The following NRXN3 variants were observed in gnomAD, a reference collection of about 807,000 sequenced individuals.
NRXN3 encodes neurexin III.
A neutral mutation model predicts 137.6 loss-of-function variants in NRXN3; 32 were observed. The ratio of observed to expected loss-of-function variants is 0.23; its 90% CI spans 0.18 to 0.31. The LOEUF is 0.31. Ranked by LOEUF, NRXN3 falls within the 10% of genes least tolerant of loss-of-function variation. NRXN3 has a pLI of 1.00. For synonymous variants in NRXN3, 798 were observed against 784.5 expected (o/e 1.02, Z -0.29); for missense variants, 1,574 against 2,062.5 (o/e 0.76, Z 4.59).
intron 4 of NRXN3, among the ~76,000 whole-genome samples, chr14:78,433,875 G>A (rs1352420095): frequency 6.6e-6 from 1 of 152,114 alleles, no homozygotes; most frequent in Admixed American, 6.6e-5. Context: ...CAGTTCTGAA[G>A]GCTAGAAGTC....
At chr14:79,794,922 T>G (rs2099156625) in intron 19 of NRXN3, among the ~76,000 whole-genome samples, 1 of 152,226 alleles carries the variant, frequency 6.6e-6, no homozygotes, top group African/African-American at 2.4e-5. Context: ...CATGCCGCAC[T>G]GTTCCACTGA....
intron 16 of NRXN3, among the ~76,000 whole-genome samples, chr14:79,629,232 T>C (rs2098315612): frequency 6.6e-6 from 1 of 151,932 alleles, no homozygotes; most frequent in Non-Finnish European, 1.5e-5. Flanking sequence ...GGGGTTGGGG[T>C]AAAAGAGGGA....
intron 4 of NRXN3, among the ~76,000 whole-genome samples, chr14:78,502,791 A>G (rs896980368): frequency 9.2e-5 from 14 of 152,188 alleles, no homozygotes; most frequent in African/African-American, 3.1e-4. Flanking sequence ...GAAATTTCAA[A>G]GTGCTCAAAC....
chr14:78,284,181 C>G (rs1001798930), intron 3 of NRXN3, among the ~76,000 whole-genome samples: 1 of 151,942 alleles, frequency 6.6e-6, no homozygotes, highest in Non-Finnish European at 1.5e-5. Flanking sequence ...AAACCTGCCT[C>G]CTATTCAAAG....
intron 15 of NRXN3, among the ~76,000 whole-genome samples, chr14:79,064,032 A>G (rs2099677559): frequency 6.6e-6 from 1 of 152,186 alleles, no homozygotes; most frequent in Non-Finnish European, 1.5e-5. Context: ...CCTTCATATA[A>G]AACTAAAGCA....
At chr14:79,697,979 CT>C (rs1339739435) in intron 19 of NRXN3, 42 bp downstream of exon 19, 1 of 1,535,634 alleles carries the variant, frequency 6.5e-7, no homozygotes, top group Admixed American at 1.7e-5. Flanking sequence ...GTATTTTTAT[CT>C]TTGCAACATT....
intron 2 of NRXN3, among the ~76,000 whole-genome samples, chr14:78,274,975 T>C (rs2073368997): frequency 6.6e-6 from 1 of 152,188 alleles, no homozygotes; most frequent in African/African-American, 2.4e-5. Context: ...CCTCAGTTTT[T>C]CTATCATAAC....
intron 16 of NRXN3, among the ~76,000 whole-genome samples, chr14:79,629,474 A>T (rs2153930451): frequency 6.6e-6 from 1 of 152,326 alleles, no homozygotes; most frequent in Non-Finnish European, 1.5e-5. Context: ...TTCTTCCAGT[A>T]TTCCAGCTTG....
chr14:79,548,761 A>C lies in NRXN3; in HGVS notation c.3444+81359A>C, dbSNP rs201525206. Among the ~76,000 whole-genome samples the C allele has an allele frequency of 0.021, 3,010 of 145,162 alleles. 167 individuals carry two copies. The East Asian group carries it at 0.25, about 12-fold the overall frequency. On this transcript the variant is annotated intron_variant, in intron 16 of 20. Transcript: ENST00000335750. ...CATTTAAAGATTAAAAAAAAAAAAA[A>C]CAAAAAAAATCATGTTCCCTAAACA...
chr14:79,694,531 A>G lies in NRXN3; in HGVS notation c.3706+2269A>G, dbSNP rs143036393. Among the ~76,000 whole-genome samples the G allele has an allele frequency of 8.7e-3, 1,325 of 152,092 alleles. 19 individuals are homozygous for G. The highest frequency in any genetic ancestry group is 0.027 in the Middle Eastern group (8 of 294). ...TATGCATAAATATGCACATATATAT[A>G]TATGTTTTTATGTACATATAATGGT... On this transcript the variant is annotated intron_variant, in intron 18 of 20. Coordinates refer to ENST00000335750, the MANE Select transcript of NRXN3 (RefSeq NM_001330195.2).
chr14:78,682,137 A>C (rs959137099), intron 6 of NRXN3, among the ~76,000 whole-genome samples: 1 of 152,088 alleles, frequency 6.6e-6, no homozygotes, highest in African/African-American at 2.4e-5. Flanking sequence ...AAGTGCTGGG[A>C]TTACAGGCGT....
At chr14:79,028,120 C>G (rs963748593) in intron 15 of NRXN3, among the ~76,000 whole-genome samples, 1 of 152,060 alleles carries the variant, frequency 6.6e-6, no homozygotes, top group Admixed American at 6.6e-5. Flanking sequence ...AATATTGGCT[C>G]TTATTATTAT....
At chr14:78,810,101 ATG>A (rs566424904) in intron 9 of NRXN3, among the ~76,000 whole-genome samples, 7 of 151,592 alleles carry the variant, frequency 4.6e-5, no homozygotes, top group African/African-American at 1.5e-4. Flanking sequence ...GTGTATATAT[ATG>A]TGTGTGTGTG....
intron 15 of NRXN3, among the ~76,000 whole-genome samples, chr14:79,405,556 G>A (rs1324792685): frequency 6.6e-6 from 1 of 152,170 alleles, no homozygotes; most frequent in Non-Finnish European, 1.5e-5. Context: ...TGAAGGCTGA[G>A]AGACTGATAC....
At chr14:79,722,439 A>G (rs544141778) in intron 19 of NRXN3, among the ~76,000 whole-genome samples, 1 of 151,980 alleles carries the variant, frequency 6.6e-6, no homozygotes, top group African/African-American at 2.4e-5. Flanking sequence ...ATATTACCCT[A>G]CCCTTCTCAC....
chr14:79,599,268 A>T (rs983257671), intron 16 of NRXN3, among the ~76,000 whole-genome samples: 2 of 152,184 alleles, frequency 1.3e-5, no homozygotes, highest in African/African-American at 4.8e-5. Context: ...TCATTTGAAG[A>T]TTCTAATTGC....
At chr14:78,998,625 A>G (rs1477021723) in intron 15 of NRXN3, among the ~76,000 whole-genome samples, 3 of 149,884 alleles carry the variant, frequency 2.0e-5, no homozygotes, top group Non-Finnish European at 4.4e-5. Context: ...TTGAGAAGGA[A>G]TCTTGCTCTG....
chr14:79,004,276 T>A (rs76408897), intron 15 of NRXN3, among the ~76,000 whole-genome samples: 3 of 152,170 alleles, frequency 2.0e-5, no homozygotes, highest in Non-Finnish European at 4.4e-5. Context: ...TCTTTTTTTT[T>A]AGACTGTATC....
chr14:78,442,082 C>T (rs1469033748), intron 4 of NRXN3, among the ~76,000 whole-genome samples: 19 of 138,046 alleles, frequency 1.4e-4, no homozygotes, highest in African/African-American at 3.8e-4. Context: ...CGTGACAGAG[C>T]GAGACTCTGT....
Sources: allele counts gnomAD v4.1 joint callset (sites outside exome capture counted in the v4.1 genomes callset), GRCh38; gene constraint gnomAD v4.1.1; transcripts MANE v1.5; gene names NCBI Gene and HGNC (gene_info 2026-07-23, HGNC 2026-07-21).